The following PIGK variants were observed in gnomAD, a reference collection of about 807,000 sequenced individuals.
PIGK encodes phosphatidylinositol glycan anchor biosynthesis class K, also known as GPI-anchor transamidase.
In PIGK, 42 loss-of-function variants were observed where a neutral mutation model predicts 50.6. That is an observed-to-expected ratio of 0.83 (90% CI 0.65 to 1.07). The LOEUF (loss-of-function observed/expected upper bound fraction) is 1.07. Among genes scored for constraint, PIGK ranks in the 50% least tolerant of loss-of-function variants. The pLI is 0.00. For missense variants in PIGK, 448 were observed against 488.7 expected, an observed-to-expected ratio of 0.92 and a Z score of 0.78; for synonymous variants, 151 against 156.0, an observed-to-expected ratio of 0.97 and a Z score of 0.24.
chr1:77,092,435 G>A lies in PIGK; in HGVS notation c.1127C>T (p.Ala376Val). ...TTTGAAGAAAACCATGATAATAAGT[G>A]CCCATAATCCCAGAATAAAGCCCCC... is the stretch of plus-strand genomic sequence containing the variant. ...PPGGFILGLW[A>V]LIIMVFFKTY... Residue 376 changes from alanine to valine, a missense_variant, in exon 11 of 11, where the codon GCA becomes GTA. By Grantham distance (64) the Ala-to-Val change is moderately conservative (BLOSUM62 0). Transcript: ENST00000370812. 6.2e-7 allele frequency: 1 copy of A among 1,607,082 alleles called. No homozygotes were observed. The highest frequency in any genetic ancestry group is 1.1e-5 in the South Asian group (1 of 89,552).
intron 9 of PIGK, among the ~76,000 whole-genome samples, chr1:77,132,912 T>C (rs1654410841): frequency 6.6e-6 from 1 of 152,148 alleles, no homozygotes; most frequent in South Asian, 2.1e-4. Flanking sequence ...TTAAAGATAA[T>C]GTCAGGCTTT....
intron 10 of PIGK, among the ~76,000 whole-genome samples, chr1:77,101,319 C>G (rs1334567936): frequency 6.6e-6 from 1 of 152,128 alleles, no homozygotes; most frequent in Non-Finnish European, 1.5e-5. Context: ...TCTCTAAGAC[C>G]TACCTCAAAT....
intron 9 of PIGK, among the ~76,000 whole-genome samples, chr1:77,150,559 G>GTTT (rs1654875187): frequency 6.7e-6 from 1 of 150,076 alleles, no homozygotes; most frequent in Non-Finnish European, 1.5e-5. Context: ...GATCAACAAA[G>GTTT]CAAACTGTTA....
rs374050300 is a variant in PIGK, at chr1:77,166,809, G to A, written c.397C>T (p.Arg133Trp). Residue 133 changes from arginine (R) to tryptophan (W), a missense_variant, in exon 5 of 11, where the codon CGG becomes TGG. Arg to Trp is a moderately radical substitution (Grantham distance 101). Coordinates refer to ENST00000370812, the MANE Select transcript of PIGK (RefSeq NM_005482.3). The part of the protein sequence containing the change: ...SYEVTVENFL[R>W]VLTGRIPPST... ...GGTGGGATCCTCCCAGTTAATACCC[G>A]TAAAAAATTCTCCACAGTTACCTAA... 45 of 1,584,314 alleles carry A rather than the reference G, an allele frequency of 2.8e-5. No homozygotes were observed. The highest frequency in any genetic ancestry group is 1.7e-4 in the Middle Eastern group (1 of 6,028).
chr1:77,210,580 G>T (rs1656395149), intron 1 of PIGK, 91 bp from the exon 2 acceptor site: 2 of 697,282 alleles, frequency 2.9e-6, no homozygotes, highest in African/African-American at 1.9e-5. Flanking sequence ...AGTTTTTACA[G>T]TTGTAATAAC....
At chr1:77,178,009 A>G (rs915744700) in intron 3 of PIGK, among the ~76,000 whole-genome samples, 9 of 152,176 alleles carry the variant, frequency 5.9e-5, no homozygotes, top group Admixed American at 5.9e-4. Flanking sequence ...CTCTACTATC[A>G]TGACACTCTT....
chr1:77,163,624 G>A (rs1206288241), intron 6 of PIGK, among the ~76,000 whole-genome samples: 1 of 152,072 alleles, frequency 6.6e-6, no homozygotes, highest in Non-Finnish European at 1.5e-5. Flanking sequence ...AATAACAAGA[G>A]ATGGAATCTT....
At chr1:77,114,314 G>A (rs1653917111) in intron 10 of PIGK, among the ~76,000 whole-genome samples, 1 of 151,900 alleles carries the variant, frequency 6.6e-6, no homozygotes, top group Non-Finnish European at 1.5e-5. Context: ...GTATAAAATG[G>A]GAACAATTTC....
Position 77,167,811 on chromosome 1 carries a change from A to G in PIGK, c.376-981T>C, listed in dbSNP as rs368269903. Among the ~76,000 whole-genome samples the G allele has an allele frequency of 2.0e-3, 300 of 152,342 alleles. 2 individuals carry two copies. The highest frequency in any genetic ancestry group is 6.8e-3 in the African/African-American group (284 of 41,584). ...GCAATTCTGTGGGAAGATACAAAAT[A>G]TAAGAATTTTTAAATAAATTCAACT... is the stretch of plus-strand genomic sequence containing the variant. On this transcript the variant is annotated intron_variant, in intron 4 of 10. Transcript: ENST00000370812.
chr1:77,210,887 A>G (rs993391480), intron 1 of PIGK, among the ~76,000 whole-genome samples: 3 of 152,058 alleles, frequency 2.0e-5, no homozygotes, highest in Non-Finnish European at 4.4e-5. Context: ...CTGCTTTAAA[A>G]TATTATTTAG....
intron 3 of PIGK, among the ~76,000 whole-genome samples, chr1:77,200,081 G>C (rs1446234039): frequency 1.3e-5 from 2 of 152,146 alleles, no homozygotes; most frequent in African/African-American, 4.8e-5. Context: ...GGATTTGTTA[G>C]AAAGGCAACA....
chr1:77,113,162 A>C (rs934122862), intron 10 of PIGK, among the ~76,000 whole-genome samples: 1 of 151,982 alleles, frequency 6.6e-6, no homozygotes, highest in Admixed American at 6.5e-5. Context: ...ATATTTATAA[A>C]AAATTTTTAA....
At chr1:77,156,963 A>G (rs1424691205) in intron 8 of PIGK, among the ~76,000 whole-genome samples, 1 of 152,232 alleles carries the variant, frequency 6.6e-6, no homozygotes, top group African/African-American at 2.4e-5. Flanking sequence ...CTAAAAGTAT[A>G]ATAAAGGTAC....
intron 3 of PIGK, among the ~76,000 whole-genome samples, chr1:77,179,379 T>C (rs906556384): frequency 2.6e-5 from 4 of 152,234 alleles, no homozygotes; most frequent in African/African-American, 7.2e-5. Context: ...TGAGTCCTTG[T>C]GGACAAACTG....
chr1:77,092,372 G>T lies in PIGK; in HGVS notation c.*2C>A. On this transcript the variant is annotated 3_prime_UTR_variant, in exon 11 of 11. Coordinates refer to ENST00000370812, the MANE Select transcript of PIGK (RefSeq NM_005482.3). ...CCATGCATTCTTCATTCATCATCAAGTCTAAAAAATGAACTTCATATGCTT... is the reference window on the plus strand; with the variant it reads ...CCATGCATTCTTCATTCATCATCAATTCTAAAAAATGAACTTCATATGCTT... 1 of 1,328,110 alleles carries T rather than the reference G, an allele frequency of 7.5e-7. No individual in the cohort carries two copies. The highest frequency in any genetic ancestry group is 1.1e-6 in the Non-Finnish European group (1 of 933,336). 82.3% of individuals were successfully genotyped at this position (1,328,110 alleles called of 1,614,324 possible).
At position 77,091,669 on chromosome 1, in the gene PIGK, G is replaced by A. The variant is rs547747404; in HGVS notation, c.*705C>T. ...GACAACAAACATATAAGGTCCTGGAGATTGTCAGTGCCATAGATTAAAAAA... is the reference window on the plus strand; with the variant it reads ...GACAACAAACATATAAGGTCCTGGAAATTGTCAGTGCCATAGATTAAAAAA... On this transcript the variant is annotated 3_prime_UTR_variant, in exon 11 of 11. Transcript: ENST00000370812. 6.6e-6 allele frequency: 1 copy of A among 152,276 alleles called. No individual in the cohort carries two copies. Among genetic ancestry groups the A allele is most frequent in the East Asian group, 1.9e-4 (1 of 5,178 alleles). The allele number at this position is 152,276 out of a possible 1,614,324, so 9.4% of individuals were successfully genotyped here. A position where few individuals can be genotyped will look rare whatever the true frequency, so the allele number is the denominator to read the frequency against.
At chr1:77,214,751 C>T (rs1557434609) in intron 1 of PIGK, among the ~76,000 whole-genome samples, 1 of 152,074 alleles carries the variant, frequency 6.6e-6, no homozygotes, top group South Asian at 2.1e-4. Context: ...TTTAGAAAAA[C>T]CTAAACACTC....
intron 9 of PIGK, among the ~76,000 whole-genome samples, chr1:77,152,277 T>A (rs143343777): frequency 0.027 from 4,175 of 152,158 alleles, 78 homozygotes; most frequent in Non-Finnish European, 0.044. Flanking sequence ...ATAATCGTGC[T>A]GGGAAAACTG....
intron 3 of PIGK, among the ~76,000 whole-genome samples, chr1:77,173,990 G>A (rs1453581028): frequency 6.6e-6 from 1 of 152,216 alleles, no homozygotes; most frequent in African/African-American, 2.4e-5. Flanking sequence ...AAAAGCCTTT[G>A]CAAACTCAAA....
Sources: allele counts gnomAD v4.1 joint callset (sites outside exome capture counted in the v4.1 genomes callset), GRCh38; gene constraint gnomAD v4.1.1; transcripts MANE v1.5; gene names NCBI Gene and HGNC (gene_info 2026-07-23, HGNC 2026-07-21).